MND1: variants seen among roughly 807,000 people sequenced by gnomAD.
MND1 encodes meiotic nuclear division protein 1 homolog.
MND1 carries 28 observed loss-of-function variants against 35.1 expected under a neutral mutation model. That is an observed-to-expected ratio of 0.80 (90% CI 0.59 to 1.09). The LOEUF is 1.09. Ranked by LOEUF, MND1 falls within the 50% of genes least tolerant of loss-of-function variation. MND1 has a pLI of 0.00. For synonymous variants in MND1, 69 were observed against 70.5 expected (o/e 0.98, Z 0.11); for missense variants, 213 against 239.6 (o/e 0.89, Z 0.73).
In MND1 at chr4:153,364,508, C is replaced by A. The variant is rs138880930; in HGVS notation, c.276+5886C>A. ...CTGCAGGTTAGGCCACAGAGTCAGA[C>A]CCTGTTTAAGAAAAAAAAAAAAAAT... is the stretch of plus-strand genomic sequence containing the variant. On this transcript the variant is annotated intron_variant, in intron 4 of 7. Coordinates refer to ENST00000240488, the MANE Select transcript of MND1 (RefSeq NM_032117.4). Among the ~76,000 whole-genome samples the A allele has an allele frequency of 1.1e-3, 156 of 144,866 alleles. 1 individual carries two copies. Among genetic ancestry groups the A allele is most frequent in the African/African-American group, 4.0e-3 (149 of 37,706 alleles).
intron 3 of MND1, among the ~76,000 whole-genome samples, chr4:153,357,497 T>C (rs1773375969): frequency 6.6e-6 from 1 of 152,184 alleles, no homozygotes; most frequent in Non-Finnish European, 1.5e-5. Flanking sequence ...TACTATTCAT[T>C]AAGTGGCAGT....
At chr4:153,385,926 G>A (rs777042346) in intron 4 of MND1, among the ~76,000 whole-genome samples, 12 of 152,020 alleles carry the variant, frequency 7.9e-5, no homozygotes, top group Admixed American at 3.9e-4. Context: ...GAATCCAGAG[G>A]GCAGGGAGAG....
chr4:153,383,042 G>A (rs1728753080), intron 4 of MND1, among the ~76,000 whole-genome samples: 1 of 152,160 alleles, frequency 6.6e-6, no homozygotes, highest in Non-Finnish European at 1.5e-5. Flanking sequence ...CTGATCTTTA[G>A]CATCTATGTA....
chr4:153,375,322 C>A (rs1363432226), intron 4 of MND1, among the ~76,000 whole-genome samples: 1 of 152,086 alleles, frequency 6.6e-6, no homozygotes, highest in Non-Finnish European at 1.5e-5. Context: ...CTTACACTTG[C>A]ATGAAGTACG....
intron 1 of MND1, among the ~76,000 whole-genome samples, chr4:153,349,421 G>C: frequency 6.6e-6 from 1 of 152,010 alleles, no homozygotes; most frequent in Non-Finnish European, 1.5e-5. Context: ...GCTCCTCATT[G>C]TCTAGAATGA....
intron 4 of MND1, among the ~76,000 whole-genome samples, chr4:153,392,165 G>T (rs1221651548): frequency 1.6e-4 from 24 of 151,408 alleles, no homozygotes; most frequent in African/African-American, 5.8e-4. Context: ...GCAGTGGCGC[G>T]ATCTCGGCTC....
chr4:153,394,178 C>T, intron 4 of MND1, 84 bp from the exon 5 acceptor site: 4 of 1,281,654 alleles, frequency 3.1e-6, no homozygotes, highest in South Asian at 2.5e-5. Flanking sequence ...GCGTGAGCCA[C>T]TGCACCTGGT....
chr4:153,383,651 G>A (rs1002976178), intron 4 of MND1, among the ~76,000 whole-genome samples: 4 of 152,160 alleles, frequency 2.6e-5, no homozygotes, highest in African/African-American at 9.7e-5. Flanking sequence ...GCCCTCCCTA[G>A]CAGACTTCTG....
chr4:153,368,432 T>C (rs1230769925), intron 4 of MND1, among the ~76,000 whole-genome samples: 5 of 152,232 alleles, frequency 3.3e-5, no homozygotes, highest in African/African-American at 4.8e-5. Flanking sequence ...ATAGTGTGTC[T>C]TACTAAAAAA....
intron 4 of MND1, among the ~76,000 whole-genome samples, chr4:153,371,546 C>T (rs1773789458): frequency 6.6e-6 from 1 of 152,078 alleles, no homozygotes. Flanking sequence ...CTTTATGAGT[C>T]AACCTCTTCT....
chr4:153,393,127 A>G (rs1579942427), intron 4 of MND1, among the ~76,000 whole-genome samples: 1 of 152,254 alleles, frequency 6.6e-6, no homozygotes, highest in Non-Finnish European at 1.5e-5. Flanking sequence ...TCAAGAAAAA[A>G]AAAGAGAAAA....
chr4:153,409,468 T>C (rs926460028), intron 7 of MND1, among the ~76,000 whole-genome samples: 1 of 152,154 alleles, frequency 6.6e-6, no homozygotes, highest in Non-Finnish European at 1.5e-5. Context: ...ATGATAATCT[T>C]GAGGTAGATA....
intron 4 of MND1, among the ~76,000 whole-genome samples, chr4:153,392,096 G>A (rs927019092): frequency 1.3e-5 from 2 of 148,400 alleles, no homozygotes; most frequent in African/African-American, 5.0e-5. Flanking sequence ...GTTTTTTTGT[G>A]GGGGGCAGTT....
In MND1 at chr4:153,384,443, A is replaced by ATTTTTTTTTTTT. The variant is rs561004288; in HGVS notation, c.277-9801_277-9790dup. Among the ~76,000 whole-genome samples the ATTTTTTTTTTTT allele has an allele frequency of 2.5e-3, 160 of 63,194 alleles. 18 individuals are homozygous for ATTTTTTTTTTTT. The highest frequency in any genetic ancestry group is 2.9e-3 in the African/African-American group (49 of 16,924). The allele number at this position is 63,194 out of a possible 152,430, so 41.5% of individuals were successfully genotyped here. On this transcript the variant is annotated intron_variant, in intron 4 of 7. Coordinates refer to ENST00000240488, the MANE Select transcript of MND1 (RefSeq NM_032117.4). ...TGCCACCATGCCCAGCTAATGTTTA[A>ATTTTTTTTTTTT]TTTTTTTTTTTTTTTTTTTTTTTTT...
At chr4:153,410,180 C>G (rs1334404206) in intron 7 of MND1, among the ~76,000 whole-genome samples, 1 of 152,104 alleles carries the variant, frequency 6.6e-6, no homozygotes, top group Non-Finnish European at 1.5e-5. Flanking sequence ...ATGTTGGACA[C>G]GTAGATAAAT....
intron 4 of MND1, among the ~76,000 whole-genome samples, chr4:153,363,861 C>G (rs761855041): frequency 6.6e-6 from 1 of 152,114 alleles, no homozygotes; most frequent in Admixed American, 6.5e-5. Context: ...ATCAGCTATG[C>G]GGCTATTGTA....
chr4:153,370,155 G>C (rs1399812649), intron 4 of MND1, among the ~76,000 whole-genome samples: 1 of 151,946 alleles, frequency 6.6e-6, no homozygotes, highest in East Asian at 1.9e-4. Flanking sequence ...GGTGGCATAC[G>C]CCTGGAATCC....
intron 2 of MND1, among the ~76,000 whole-genome samples, chr4:153,352,314 G>T (rs1041292781): frequency 4.0e-5 from 6 of 151,862 alleles, no homozygotes; most frequent in Non-Finnish European, 8.8e-5. Context: ...TGTGTGTGTG[G>T]GTTTTGGAGC....
intron 4 of MND1, among the ~76,000 whole-genome samples, chr4:153,387,946 A>G (rs996974270): frequency 1.3e-5 from 2 of 151,586 alleles, no homozygotes; most frequent in African/African-American, 4.9e-5. Context: ...ATTCTTTCCC[A>G]TCTGTGACCG....
Sources: allele counts gnomAD v4.1 joint callset (sites outside exome capture counted in the v4.1 genomes callset), GRCh38; gene constraint gnomAD v4.1.1; transcripts MANE v1.5; gene names NCBI Gene and HGNC (gene_info 2026-07-23, HGNC 2026-07-21).